The following ANKRD40CL variants were observed in gnomAD, a reference collection of about 807,000 sequenced individuals.
ANKRD40CL encodes the protein putative ANKRD40 C-terminal-like protein.
For synonymous variants in ANKRD40CL, 5 were observed against 2.3 expected, an observed-to-expected ratio of 2.14 and a Z score of -1.04; for missense variants, 11 against 6.4, an observed-to-expected ratio of 1.71 and a Z score of -0.77.
intron 2 of ANKRD40CL, among the ~76,000 whole-genome samples, chr17:50,765,894 A>G (rs1322883039): frequency 6.6e-6 from 1 of 152,206 alleles, no homozygotes; most frequent in Non-Finnish European, 1.5e-5. Flanking sequence ...CAACCCTGGC[A>G]CATGCTCCAT....
At chr17:50,762,152 C>T (rs1189704552) in intron 3 of ANKRD40CL, among the ~76,000 whole-genome samples, 3 of 151,620 alleles carry the variant, frequency 2.0e-5, no homozygotes, top group African/African-American at 7.3e-5. Context: ...AATTCCTGAG[C>T]TCAAGCAATC....
intron 2 of ANKRD40CL, chr17:50,764,053 T>C (rs972935655): frequency 2.1e-4 from 82 of 397,624 alleles, no homozygotes; most frequent in Non-Finnish European, 3.2e-4. Flanking sequence ...ACAGTGGCAT[T>C]GTATTCCAAC....
At chr17:50,762,532 C>T (rs991222753) in intron 3 of ANKRD40CL, among the ~76,000 whole-genome samples, 2 of 151,878 alleles carry the variant, frequency 1.3e-5, no homozygotes, top group Non-Finnish European at 2.9e-5. Flanking sequence ...GCTATGATCA[C>T]GCCATTGCAT....
chr17:50,766,772 C>T, intron 2 of ANKRD40CL, 102 bp downstream of exon 2: 2 of 587,174 alleles, frequency 3.4e-6, no homozygotes, highest in Non-Finnish European at 6.0e-6. Flanking sequence ...GCGGAGGCCA[C>T]AGGGCACTGC....
At chr17:50,765,373 A>G (rs1047501556) in intron 2 of ANKRD40CL, among the ~76,000 whole-genome samples, 1 of 152,188 alleles carries the variant, frequency 6.6e-6, no homozygotes, top group African/African-American at 2.4e-5. Context: ...AAACACCACC[A>G]AGCCATTCTG....
intron 3 of ANKRD40CL, among the ~76,000 whole-genome samples, chr17:50,762,092 G>T (rs539268219): frequency 1.3e-5 from 2 of 150,902 alleles, no homozygotes; most frequent in South Asian, 4.2e-4. Context: ...GCTAATTTTT[G>T]TATTTTCCTG....
chr17:50,766,383 C>T (rs563238421), intron 2 of ANKRD40CL, among the ~76,000 whole-genome samples: 42 of 152,316 alleles, frequency 2.8e-4, no homozygotes, highest in African/African-American at 1.0e-3. Flanking sequence ...CTTTCCCTGC[C>T]CTGTCCACTA....
chr17:50,762,291 T>C (rs1019466293), intron 3 of ANKRD40CL, among the ~76,000 whole-genome samples: 2 of 152,132 alleles, frequency 1.3e-5, no homozygotes, highest in Admixed American at 1.3e-4. Context: ...GAATATACAC[T>C]ATAAGCCAAG....
chr17:50,767,417 C>T (rs1392669029), intron 1 of ANKRD40CL, 46 bp downstream of exon 1: 1 of 328,024 alleles, frequency 3.0e-6, no homozygotes, highest in East Asian at 7.8e-5. Context: ...GCCCCTTCCT[C>T]AGCAGCTGTG....
At chr17:50,765,960 TC>T (rs1298109268) in intron 2 of ANKRD40CL, among the ~76,000 whole-genome samples, 1 of 152,114 alleles carries the variant, frequency 6.6e-6, no homozygotes, top group African/African-American at 2.4e-5. Context: ...ATGACACATT[TC>T]AAGTCAACAA....
At position 50,761,507 on chromosome 17, in the gene ANKRD40CL, C is replaced by T; in HGVS notation, c.202-1G>A. Reference sequence around the variant, plus strand: ...CCCGCAGTCTTCGAATGTCTTTGTCCTTAATGTAGAAAAGAAATTATATTA... The same window carrying T: ...CCCGCAGTCTTCGAATGTCTTTGTCTTTAATGTAGAAAAGAAATTATATTA... On this transcript the variant is annotated splice_acceptor_variant, in intron 3 of 3. Transcript: ENST00000450727. LOFTEE classifies it high-confidence loss of function. 1 of 398,710 alleles carries T rather than the reference C, an allele frequency of 2.5e-6. No individual in the cohort carries two copies. Among genetic ancestry groups the T allele is most frequent in the Non-Finnish European group, 4.4e-6 (1 of 225,946 alleles). 24.7% of individuals were successfully genotyped at this position (398,710 alleles called of 1,614,324 possible). A position where few individuals can be genotyped will look rare whatever the true frequency, so the allele number is the denominator to read the frequency against.
At chr17:50,762,289 A>G (rs1971214440) in intron 3 of ANKRD40CL, among the ~76,000 whole-genome samples, 1 of 152,182 alleles carries the variant, frequency 6.6e-6, no homozygotes, top group Non-Finnish European at 1.5e-5. Flanking sequence ...AAGAATATAC[A>G]CTATAAGCCA....
At chr17:50,765,840 GTCTGGGT>G (rs1567889709) in intron 2 of ANKRD40CL, among the ~76,000 whole-genome samples, 2 of 68,074 alleles carry the variant, frequency 2.9e-5, no homozygotes, top group African/African-American at 1.7e-4. Flanking sequence ...GGTGGGGCTG[GTCTGGGT>G]GTGGAGACCA....
chr17:50,765,218 G>A (rs1157783833), intron 2 of ANKRD40CL, among the ~76,000 whole-genome samples: 5 of 152,142 alleles, frequency 3.3e-5, no homozygotes, highest in East Asian at 1.9e-4. Context: ...TGCATATAGC[G>A]GGCAAAGTAT....
intron 3 of ANKRD40CL, among the ~76,000 whole-genome samples, 153 bp from the exon 4 acceptor site, chr17:50,761,659 C>T (rs1971203821): frequency 2.0e-5 from 3 of 152,024 alleles, no homozygotes; most frequent in Admixed American, 2.0e-4. Flanking sequence ...GGCTGGAGGG[C>T]AATGATGCGA....
At chr17:50,763,884 ATACC>A (rs2143148356) in intron 2 of ANKRD40CL, 1 of 376,684 alleles carries the variant, frequency 2.7e-6, no homozygotes, top group East Asian at 3.8e-5. Flanking sequence ...GCAGGTGCTC[ATACC>A]TTGTTGCTTA....
intron 3 of ANKRD40CL, among the ~76,000 whole-genome samples, chr17:50,762,700 A>C (rs1971222298): frequency 6.6e-6 from 1 of 152,206 alleles, no homozygotes; most frequent in South Asian, 2.1e-4. Flanking sequence ...GAAATATATA[A>C]AAATGCAAAA....
At chr17:50,764,400 G>A (rs1230635199) in intron 2 of ANKRD40CL, 2 of 396,414 alleles carry the variant, frequency 5.0e-6, no homozygotes, top group East Asian at 7.1e-5. Context: ...GGGCAGTAAT[G>A]ACTTTCAGTC....
intron 2 of ANKRD40CL, chr17:50,763,798 G>A: frequency 2.6e-6 from 1 of 380,854 alleles, no homozygotes; most frequent in Non-Finnish European, 4.6e-6. Context: ...AAGACAGAAA[G>A]CTTGCAGCTT....
Sources: allele counts gnomAD v4.1 joint callset (sites outside exome capture counted in the v4.1 genomes callset), GRCh38; gene constraint gnomAD v4.1.1; transcripts MANE v1.5; gene names NCBI Gene and HGNC (gene_info 2026-07-23, HGNC 2026-07-21).